CFAP47: variants seen among roughly 807,000 people sequenced by gnomAD.
CFAP47 encodes cilia and flagella associated protein 47.
Under a neutral mutation model 148.1 loss-of-function variants are expected in CFAP47, and 29 were observed. The ratio of observed to expected loss-of-function variants is 0.20; its 90% CI spans 0.15 to 0.27. The LOEUF (loss-of-function observed/expected upper bound fraction) is 0.27, where lower values mean the gene tolerates loss of function less well. Among genes scored for constraint, CFAP47 ranks in the 10% least tolerant of loss-of-function variants. The pLI is 1.00. For synonymous variants in CFAP47, 664 were observed against 577.3 expected (o/e 1.15, Z -2.15); for missense variants, 1,872 against 1,697.5 (o/e 1.10, Z -1.81).
intron 29 of CFAP47, among the ~76,000 whole-genome samples, chrX:36,079,323 T>C (rs1937927978): frequency 8.9e-6 from 1 of 112,142 alleles, no homozygotes; most frequent in Non-Finnish European, 1.9e-5. Flanking sequence ...CAGTCAAACA[T>C]AGATTTGGTC....
At chrX:36,222,469 T>G (rs1388507549) in intron 45 of CFAP47, among the ~76,000 whole-genome samples, 3 of 110,618 alleles carry the variant, frequency 2.7e-5, no homozygotes, top group South Asian at 3.7e-4. Context: ...AAATGAATTT[T>G]AACCAATATT....
intron 21 of CFAP47, among the ~76,000 whole-genome samples, chrX:36,009,206 G>A (rs1011781992): frequency 4.5e-5 from 5 of 110,946 alleles, no homozygotes; most frequent in Non-Finnish European, 9.4e-5. Flanking sequence ...CTCTTTGGCA[G>A]TATTTGACTT....
At chrX:35,992,234 AC>A (rs774944381) in intron 17 of CFAP47, among the ~76,000 whole-genome samples, 38 of 110,584 alleles carry the variant, frequency 3.4e-4, no homozygotes, top group African/African-American at 1.2e-3. Context: ...TTAATGTTAC[AC>A]TCCATATTTA....
At chrX:36,128,957 T>A (rs5973582) in intron 33 of CFAP47, among the ~76,000 whole-genome samples, 2 of 109,356 alleles carry the variant, frequency 1.8e-5, no homozygotes, top group African/African-American at 6.7e-5. Context: ...TTTTAATACA[T>A]TTAATGCAAA....
intron 3 of CFAP47, among the ~76,000 whole-genome samples, chrX:35,943,712 C>G (rs1367929759): frequency 9.0e-6 from 1 of 111,504 alleles, no homozygotes; most frequent in East Asian, 2.8e-4. Context: ...ACTATTGTTT[C>G]TCAGCTTTTA....
intron 25 of CFAP47, 140 bp downstream of exon 25, chrX:36,039,319 T>TA: frequency 3.0e-6 from 1 of 328,004 alleles, no homozygotes; most frequent in African/African-American, 2.7e-5. Flanking sequence ...CATTAAAATT[T>TA]AACAAAAAAA....
chrX:35,948,777 G>A (rs938633960), intron 4 of CFAP47, among the ~76,000 whole-genome samples: 1 of 105,135 alleles, frequency 9.5e-6, no homozygotes, highest in African/African-American at 3.6e-5. Flanking sequence ...GAGCAGTGAT[G>A]TGATTTGGGG....
chrX:35,964,482 A>G (rs543889915), intron 8 of CFAP47, among the ~76,000 whole-genome samples: 1 of 111,057 alleles, frequency 9.0e-6, no homozygotes, highest in Non-Finnish European at 1.9e-5. Context: ...AGTTTCTTTG[A>G]TATGTAGATT....
intron 48 of CFAP47, among the ~76,000 whole-genome samples, chrX:36,242,653 A>G (rs1291635462): frequency 8.9e-6 from 1 of 112,172 alleles, no homozygotes; most frequent in Non-Finnish European, 1.9e-5. Flanking sequence ...TAAAAGTTGA[A>G]CAAAACCTCT....
intron 39 of CFAP47, among the ~76,000 whole-genome samples, chrX:36,166,551 A>G (rs1056287514): frequency 6.3e-5 from 7 of 111,239 alleles, no homozygotes; most frequent in African/African-American, 2.3e-4. Context: ...ATTTCTTTGA[A>G]GATATTTATA....
At chrX:35,979,578 A>G (rs1459367883) in intron 15 of CFAP47, among the ~76,000 whole-genome samples, 1 of 110,732 alleles carries the variant, frequency 9.0e-6, no homozygotes, top group Non-Finnish European at 1.9e-5. Flanking sequence ...TTTAACTGAG[A>G]TACTCTCTCG....
At chrX:36,087,532 C>G (rs755123744) in intron 30 of CFAP47, among the ~76,000 whole-genome samples, 1 of 112,140 alleles carries the variant, frequency 8.9e-6, no homozygotes, top group African/African-American at 3.2e-5. Context: ...ACTTTCAACT[C>G]CGCTGGCTTA....
intron 45 of CFAP47, among the ~76,000 whole-genome samples, chrX:36,225,969 T>TATC (rs1176656389): frequency 8.9e-6 from 1 of 111,910 alleles, no homozygotes; most frequent in Non-Finnish European, 1.9e-5. Context: ...ATTATCAGGT[T>TATC]ATCATTGCAG....
intron 48 of CFAP47, among the ~76,000 whole-genome samples, chrX:36,243,647 GTATA>G (rs58640112): frequency 0.24 from 14,960 of 63,330 alleles, 2,083 homozygotes; most frequent in Non-Finnish European, 0.37. Context: ...ATATGTGTGT[GTATA>G]TATATATATA....
intron 49 of CFAP47, among the ~76,000 whole-genome samples, chrX:36,251,764 C>T (rs1386003064): frequency 4.5e-5 from 5 of 111,136 alleles, no homozygotes; most frequent in African/African-American, 1.6e-4. Flanking sequence ...GCGTATCAAC[C>T]CAATGACATT....
At chrX:36,372,498 G>T (rs1426261387) in intron 62 of CFAP47, among the ~76,000 whole-genome samples, 5 of 111,545 alleles carry the variant, frequency 4.5e-5, no homozygotes, top group African/African-American at 1.6e-4. Flanking sequence ...CCATCATTTT[G>T]CACACATCAT....
chrX:35,990,341 A>G (rs1278968396), intron 16 of CFAP47, among the ~76,000 whole-genome samples: 2 of 111,489 alleles, frequency 1.8e-5, no homozygotes, highest in Admixed American at 9.6e-5. Context: ...GAGAAGTTGG[A>G]AAACTTGGAT....
chrX:36,073,101 C>T (rs751352030), intron 28 of CFAP47, 38 bp from the exon 29 acceptor site: 5 of 1,004,772 alleles, frequency 5.0e-6, no homozygotes, highest in South Asian at 4.0e-5. Context: ...TACTCCTCGT[C>T]AAGTAGCCCT....
chrX:36,039,239 G>A, intron 25 of CFAP47, 60 bp downstream of exon 25: 1 of 536,613 alleles, frequency 1.9e-6, no homozygotes, highest in Non-Finnish European at 2.7e-6. Flanking sequence ...TTGTTTCTGT[G>A]TTATATAAGA....
Sources: allele counts gnomAD v4.1 joint callset (sites outside exome capture counted in the v4.1 genomes callset), GRCh38; gene constraint gnomAD v4.1.1; transcripts MANE v1.5; gene names NCBI Gene and HGNC (gene_info 2026-07-23, HGNC 2026-07-21).